Variants in TBC1D2 observed in about 807,000 individuals in gnomAD.
The protein encoded by TBC1D2 is TBC1 domain family member 2A.
In TBC1D2, 58 loss-of-function variants were observed where a neutral mutation model predicts 91.1. The observed-to-expected ratio is 0.64, with a 90% CI of 0.52 to 0.79. The LOEUF (loss-of-function observed/expected upper bound fraction) is 0.79. Among genes scored for constraint, TBC1D2 ranks in the 30% least tolerant of loss-of-function variants. The probability of loss-of-function intolerance (pLI) is 0.00; values close to 1 mark genes in which losing one functional copy is unlikely to be tolerated. For missense variants in TBC1D2, 1,080 were observed against 1,208.3 expected (o/e 0.89, Z 1.57); for synonymous variants, 482 against 511.5 (o/e 0.94, Z 0.78).
At chr9:98,221,365 A>G in intron 5 of TBC1D2, 137 bp from the exon 6 acceptor site, 2 of 1,099,876 alleles carry the variant, frequency 1.8e-6, no homozygotes, top group Non-Finnish European at 2.5e-6. Context: ...TCATCCTGAC[A>G]CTCACTTTCT....
chr9:98,232,840 C>T (rs528480138), intron 4 of TBC1D2, among the ~76,000 whole-genome samples: 12 of 152,324 alleles, frequency 7.9e-5, no homozygotes, highest in Admixed American at 2.0e-4. Context: ...TTGTTTGAGA[C>T]GGAGTCTCAC....
intron 8 of TBC1D2, among the ~76,000 whole-genome samples, chr9:98,210,315 CA>C (rs1259829754): frequency 1.3e-5 from 2 of 152,206 alleles, no homozygotes; most frequent in Non-Finnish European, 2.9e-5. Context: ...CTGTGCTCAG[CA>C]AGGCCTTGGT....
intron 12 of TBC1D2, 121 bp downstream of exon 12, chr9:98,200,132 C>G (rs1828446426): frequency 1.4e-6 from 2 of 1,397,282 alleles, no homozygotes; most frequent in East Asian, 2.4e-5. Context: ...GATTTCTAAG[C>G]TATAATACGA....
rs1408580443 is a variant in TBC1D2 at position 98,254,902 on chromosome 9, C to T, written c.369+271G>A. On this transcript the variant is annotated intron_variant, in intron 1 of 12. Coordinates refer to ENST00000465784, the MANE Select transcript of TBC1D2 (RefSeq NM_001267571.2). The stretch of plus-strand genomic sequence containing the variant: ...AGAAAGACTATGGGATTCCAAGCTA[C>T]CCTACTCTCTAGACGCATGGACCTC... Among the ~76,000 whole-genome samples, 4 of 152,276 alleles carry T rather than the reference C, an allele frequency of 2.6e-5. No individual in the cohort carries two copies. In the East Asian group the frequency reaches 5.8e-4, roughly 22 times the overall value.
At chr9:98,254,680 T>A (rs1829936025) in intron 1 of TBC1D2, among the ~76,000 whole-genome samples, 1 of 152,212 alleles carries the variant, frequency 6.6e-6, no homozygotes, top group South Asian at 2.1e-4. Flanking sequence ...GTGTTTATTT[T>A]CCTAATCCCT....
Position 98,221,116 on chromosome 9 carries a change from T to G in TBC1D2, c.1091A>C (p.His364Pro). 1.9e-6 allele frequency: 3 copies of G among 1,598,820 alleles called. No individual in the cohort carries two copies. Among genetic ancestry groups the G allele is most frequent in the Non-Finnish European group, 2.6e-6 (3 of 1,173,428 alleles). The change falls in exon 6 of 13, where the codon CAC (histidine) becomes CCC (proline). Residue 364 changes from histidine to proline, a missense_variant. Transcript: ENST00000465784. ...CAGCTCCGCGATCTGCCGCACTTTG[T>G]GCCGCACCAGCTCCAGCCGGTCCTT... ...EDKDRLELVR[H>P]KVRQIAELGR...
intron 6 of TBC1D2, among the ~76,000 whole-genome samples, chr9:98,215,836 C>G (rs1233465993): frequency 6.6e-6 from 1 of 152,152 alleles, no homozygotes; most frequent in Non-Finnish European, 1.5e-5. Context: ...CCCTAATCAC[C>G]AAACTTCCTG....
chr9:98,220,735 C>G, intron 6 of TBC1D2, 98 bp downstream of exon 6: 2 of 1,472,394 alleles, frequency 1.4e-6, no homozygotes, highest in South Asian at 2.6e-5. Flanking sequence ...GGTATCCCCA[C>G]TCCACCTAGC....
At position 98,228,384 on chromosome 9, in the gene TBC1D2, GT is replaced by G. The variant is rs1327140281; in HGVS notation, c.978+567del. On this transcript the variant is annotated intron_variant, in intron 5 of 12. Transcript: ENST00000465784. The surrounding 1 kb of genome is among the most constrained non-coding windows in gnomAD (Gnocchi z 4.0). ...TTTAATGTCTGTGTGTATGAGATCT[GT>G]TTTCTACAATTATTATATAGCTCTT... 6.6e-6 allele frequency among the ~76,000 whole-genome samples: 1 copy of G among 152,186 alleles called. No individual in the cohort carries two copies. The highest frequency in any genetic ancestry group is 2.4e-5 in the African/African-American group (1 of 41,454).
intron 3 of TBC1D2, among the ~76,000 whole-genome samples, 162 bp downstream of exon 3, chr9:98,243,832 C>T (rs983353022): frequency 1.1e-4 from 17 of 152,154 alleles, no homozygotes; most frequent in African/African-American, 2.9e-4. Context: ...CCACCACACC[C>T]GGCCAAATGT....
chr9:98,201,689 C>A, intron 10 of TBC1D2, 25 bp from the exon 11 acceptor site: 1 of 1,598,116 alleles, frequency 6.3e-7, no homozygotes, highest in South Asian at 1.1e-5. Context: ...GAGGGCCTGT[C>A]ATCTGCAGCC....
intron 4 of TBC1D2, 89 bp downstream of exon 4, chr9:98,233,327 A>G (rs1352687231): frequency 6.6e-7 from 1 of 1,506,536 alleles, no homozygotes; most frequent in Non-Finnish European, 8.8e-7. Context: ...AAAAGCACAA[A>G]TGCTGGTTCG....
chr9:98,247,025 T>TA (rs35136067), intron 2 of TBC1D2, among the ~76,000 whole-genome samples: 608 of 130,790 alleles, frequency 4.6e-3, no homozygotes, highest in Middle Eastern at 7.6e-3. Context: ...TGCAAATCAG[T>TA]AAAAAAAAAA....
chr9:98,201,028 AAAG>A (rs1334907968), intron 11 of TBC1D2, among the ~76,000 whole-genome samples: 2 of 151,766 alleles, frequency 1.3e-5, no homozygotes, highest in Non-Finnish European at 1.5e-5. Flanking sequence ...AAAAAAAAAA[AAAG>A]AAAGAAAGAA....
In TBC1D2 at chr9:98,209,120, C is replaced by A; in HGVS notation, c.1698G>T (p.Leu566=). 1 of 1,613,936 alleles carries A rather than the reference C, an allele frequency of 6.2e-7. No individual in the cohort carries two copies. The highest frequency in any genetic ancestry group is 1.1e-5 in the South Asian group (1 of 91,058). ...PISKYDEYGF[L]TVPDYEVEDL... ...CTTCCACCTCATAGTCGGGCACCGT[C>A]AGGAAGCCGTACTCATCATACTTAC... The change falls in exon 9 of 13, where the codon CTG becomes CTT. Residue 566 remains leucine, a synonymous_variant. Transcript: ENST00000465784.
intron 2 of TBC1D2, among the ~76,000 whole-genome samples, chr9:98,246,256 G>C (rs1829761553): frequency 6.6e-6 from 1 of 152,202 alleles, no homozygotes; most frequent in South Asian, 2.1e-4. Flanking sequence ...AAACATTTAG[G>C]AGCGGAGATT....
intron 2 of TBC1D2, among the ~76,000 whole-genome samples, chr9:98,248,474 A>T (rs1038101192): frequency 1.3e-5 from 2 of 152,194 alleles, no homozygotes; most frequent in East Asian, 3.8e-4. Flanking sequence ...CTGCCTAGAC[A>T]AAAAAAGGGC....
At chr9:98,227,842 C>T (rs977760527) in intron 5 of TBC1D2, among the ~76,000 whole-genome samples, 1 of 151,892 alleles carries the variant, frequency 6.6e-6, no homozygotes, top group East Asian at 1.9e-4. Context: ...GCCGGTTCCC[C>T]TGAGATCTGC....
chr9:98,225,651 CA>C (rs1829215155), intron 5 of TBC1D2, among the ~76,000 whole-genome samples: 1 of 152,234 alleles, frequency 6.6e-6, no homozygotes, highest in Non-Finnish European at 1.5e-5. Flanking sequence ...CTGAGAACCT[CA>C]GTTTCCCTTT....
Sources: gnomAD v4.1 joint callset for allele counts (sites outside exome capture counted in the v4.1 genomes callset) on GRCh38, gnomAD v4.1.1 for gene constraint, Gnocchi (gnomAD v3.1) non-coding constraint, MANE v1.5 for transcripts, NCBI Gene and HGNC (gene_info 2026-07-23, HGNC 2026-07-21) for gene names.